The following RSU1 variants were observed in gnomAD, a reference collection of about 807,000 sequenced individuals.
RSU1 encodes Ras suppressor protein 1.
A neutral mutation model predicts 31.1 loss-of-function variants in RSU1; 26 were observed. The ratio of observed to expected loss-of-function variants is 0.84; its 90% CI spans 0.61 to 1.16. The LOEUF (loss-of-function observed/expected upper bound fraction) is 1.16. Among genes scored for constraint, RSU1 ranks in the 50% most tolerant of loss-of-function variants. The probability of loss-of-function intolerance (pLI) is 0.00; values close to 1 mark genes in which losing one functional copy is unlikely to be tolerated. For missense variants in RSU1, 320 were observed against 339.1 expected (o/e 0.94, Z 0.44); for synonymous variants, 164 against 136.3 (o/e 1.20, Z -1.41).
At chr10:16,775,027 A>G (rs543932950) in intron 3 of RSU1, among the ~76,000 whole-genome samples, 5 of 152,254 alleles carry the variant, frequency 3.3e-5, no homozygotes, top group African/African-American at 1.2e-4. Context: ...CTGGGTGATA[A>G]AAACACTATC....
chr10:16,716,672 T>C (rs79061263), intron 7 of RSU1, among the ~76,000 whole-genome samples: 1,911 of 152,080 alleles, frequency 0.013, 47 homozygotes, highest in African/African-American at 0.043. Context: ...CGTATACAAA[T>C]ACACTATTGA....
chr10:16,763,221 TTGTC>T (rs1390325254), intron 4 of RSU1, among the ~76,000 whole-genome samples: 5 of 152,204 alleles, frequency 3.3e-5, no homozygotes, highest in African/African-American at 1.2e-4. Context: ...ATGGATCTAT[TTGTC>T]TGTTCTCCCA....
At chr10:16,777,029 A>T (rs914619322) in intron 3 of RSU1, among the ~76,000 whole-genome samples, 3 of 151,956 alleles carry the variant, frequency 2.0e-5, no homozygotes, top group Non-Finnish European at 4.4e-5. Flanking sequence ...AAATTTTTTT[A>T]AAACTTAAGG....
At chr10:16,813,526 C>T (rs769636358) in intron 2 of RSU1, among the ~76,000 whole-genome samples, 3 of 152,162 alleles carry the variant, frequency 2.0e-5, no homozygotes, top group Non-Finnish European at 2.9e-5. Flanking sequence ...TAGTTAATAA[C>T]TAACATTTAA....
intron 3 of RSU1, among the ~76,000 whole-genome samples, chr10:16,774,913 G>T (rs754575797): frequency 5.3e-5 from 8 of 152,128 alleles, no homozygotes; most frequent in Non-Finnish European, 1.0e-4. Flanking sequence ...AGTCCAGCCT[G>T]GGCAAATTAG....
intron 8 of RSU1, among the ~76,000 whole-genome samples, chr10:16,620,011 CAT>C (rs1834041071): frequency 6.6e-6 from 1 of 152,134 alleles, no homozygotes; most frequent in East Asian, 1.9e-4. Flanking sequence ...ACCACATACT[CAT>C]AATTATTGAC....
intron 8 of RSU1, among the ~76,000 whole-genome samples, chr10:16,683,332 G>A (rs548402874): frequency 1.3e-3 from 198 of 152,154 alleles, no homozygotes; most frequent in African/African-American, 4.6e-3. Context: ...TGCCGTTTCT[G>A]GGCATTTGAG....
chr10:16,788,018 TTTCTTTGAG>T (rs1287461992), intron 2 of RSU1, among the ~76,000 whole-genome samples: 2 of 152,104 alleles, frequency 1.3e-5, no homozygotes, highest in Non-Finnish European at 2.9e-5. Flanking sequence ...CACATTTTTA[TTTCTTTGAG>T]TTCAGATTTT....
chr10:16,648,156 A>G (rs1424852839), intron 8 of RSU1, among the ~76,000 whole-genome samples: 1 of 138,854 alleles, frequency 7.2e-6, no homozygotes, highest in Non-Finnish European at 1.5e-5. Context: ...TTAAGAGACT[A>G]GGTCTCACTA....
At chr10:16,764,244 T>TA (rs1837266617) in intron 4 of RSU1, 146 bp downstream of exon 4, 1 of 902,618 alleles carries the variant, frequency 1.1e-6, no homozygotes, top group African/African-American at 1.7e-5. Context: ...ATTAAAACAA[T>TA]AAAATTTTTT....
At chr10:16,799,121 T>G (rs1344811995) in intron 2 of RSU1, among the ~76,000 whole-genome samples, 2 of 152,222 alleles carry the variant, frequency 1.3e-5, no homozygotes, top group Non-Finnish European at 2.9e-5. Context: ...GGAGAGACTG[T>G]ATCATAGGAA....
At chr10:16,684,074 A>C (rs1473963818) in intron 8 of RSU1, among the ~76,000 whole-genome samples, 3 of 152,218 alleles carry the variant, frequency 2.0e-5, no homozygotes, top group African/African-American at 7.2e-5. Context: ...GACCTATACA[A>C]GGTGCTAGAC....
chr10:16,665,111 T>C (rs1386881180), intron 8 of RSU1, among the ~76,000 whole-genome samples: 1 of 152,096 alleles, frequency 6.6e-6, no homozygotes, highest in Non-Finnish European at 1.5e-5. Flanking sequence ...GCTGGGCTAA[T>C]TTTTGTATTT....
chr10:16,787,575 G>A (rs913031620), intron 2 of RSU1, among the ~76,000 whole-genome samples: 6 of 152,140 alleles, frequency 3.9e-5, no homozygotes, highest in African/African-American at 1.4e-4. Context: ...TCAAGGGCGG[G>A]GCCAGATGGA....
At chr10:16,738,872 C>CG (rs1256868278) in intron 7 of RSU1, among the ~76,000 whole-genome samples, 1 of 151,746 alleles carries the variant, frequency 6.6e-6, no homozygotes, top group Non-Finnish European at 1.5e-5. Flanking sequence ...CCCCCACCCC[C>CG]CCAGCGGACC....
chr10:16,745,306 C>T (rs1363095978), intron 7 of RSU1, among the ~76,000 whole-genome samples: 1 of 152,182 alleles, frequency 6.6e-6, no homozygotes, highest in Non-Finnish European at 1.5e-5. Flanking sequence ...CTCACAAAGA[C>T]ACCAGGAGGT....
intron 2 of RSU1, among the ~76,000 whole-genome samples, chr10:16,807,713 G>A (rs1283100200): frequency 6.6e-6 from 1 of 152,128 alleles, no homozygotes; most frequent in Admixed American, 6.5e-5. Flanking sequence ...TATTTTATTT[G>A]CTTAACACAG....
intron 3 of RSU1, among the ~76,000 whole-genome samples, chr10:16,780,437 C>A (rs764430227): frequency 7.9e-5 from 12 of 151,982 alleles, no homozygotes; most frequent in Admixed American, 2.6e-4. Context: ...AGATGGGGGC[C>A]TCAGTATGCT....
In RSU1 at chr10:16,637,986, C is replaced by A. The variant is rs80050685; in HGVS notation, c.732-44490G>T. ...AAAGACCAAAGGAGAAAAAAATCATCATCTGTTGCATTTTTATGGTACTTT... is the reference window on the plus strand; with the variant it reads ...AAAGACCAAAGGAGAAAAAAATCATAATCTGTTGCATTTTTATGGTACTTT... On this transcript the variant is annotated intron_variant, in intron 8 of 8. Transcript: ENST00000345264. Among the ~76,000 whole-genome samples the A allele has an allele frequency of 8.6e-3, 1,307 of 152,270 alleles. 15 individuals carry two copies. Among genetic ancestry groups the A allele is most frequent in the African/African-American group, 0.03 (1,256 of 41,534 alleles).
Sources: allele counts gnomAD v4.1 joint callset (sites outside exome capture counted in the v4.1 genomes callset), GRCh38; gene constraint gnomAD v4.1.1; transcripts MANE v1.5; gene names NCBI Gene and HGNC (gene_info 2026-07-23, HGNC 2026-07-21).